PHACTR2: variants seen among roughly 807,000 people sequenced by gnomAD.
The protein encoded by PHACTR2 is chromosome 6 open reading frame 56.
PHACTR2 carries 30 observed loss-of-function variants against 76.0 expected under a neutral mutation model. The observed-to-expected ratio is 0.39, with a 90% CI of 0.30 to 0.54. PHACTR2 has a LOEUF of 0.54. PHACTR2 is among the 20% of genes least tolerant of loss of function. The pLI is 0.61. For synonymous variants in PHACTR2, 292 were observed against 292.5 expected, an observed-to-expected ratio of 1.00 and a Z score of 0.02; for missense variants, 696 against 781.1, an observed-to-expected ratio of 0.89 and a Z score of 1.30.
intron 2 of PHACTR2, among the ~76,000 whole-genome samples, chr6:143,724,319 A>G (rs565039139): frequency 6.9e-4 from 105 of 152,050 alleles, no homozygotes; most frequent in African/African-American, 2.5e-3. Flanking sequence ...TTTTTAGTAG[A>G]GACGGGGTTT....
rs553166466 is a variant in PHACTR2 at position 143,739,637 on chromosome 6, C to T, written c.215-9348C>T. 4.3e-4 allele frequency among the ~76,000 whole-genome samples: 66 copies of T among 152,186 alleles called. No homozygotes were observed. The highest frequency in any genetic ancestry group is 7.5e-4 in the Non-Finnish European group (51 of 68,028). ...AGTCCGAGTGAAGGGGAAGGACAGG[C>T]TGTGTTACACGTAGCACTCAAATCT... On this transcript the variant is annotated intron_variant, in intron 2 of 12. Transcript: ENST00000440869. The surrounding 1 kb of genome is among the most constrained non-coding windows in gnomAD (Gnocchi z 4.3).
At position 143,646,289 on chromosome 6, in the gene PHACTR2, T is replaced by C. The variant is rs1776658659; in HGVS notation, c.13+37967T>C. Among the ~76,000 whole-genome samples the C allele has an allele frequency of 6.6e-6, 1 of 152,162 alleles. No homozygotes were observed. The highest frequency in any genetic ancestry group is 2.1e-4 in the South Asian group (1 of 4,832). ...TCAGTAATTGGGATTATTTTTAAACTGAAAAACTCTATCCCACTTTAAAAC... is the reference window on the plus strand; with the variant it reads ...TCAGTAATTGGGATTATTTTTAAACCGAAAAACTCTATCCCACTTTAAAAC... On this transcript the variant is annotated intron_variant, in intron 1 of 11. Coordinates refer to the PHACTR2 transcript ENST00000305766. This position sits in a 1 kb window ranked among gnomAD's most constrained non-coding sequence, Gnocchi z 4.1.
At chr6:143,601,411 G>A (rs2128435865) in intron 1 of PHACTR2, among the ~76,000 whole-genome samples, 1 of 152,302 alleles carries the variant, frequency 6.6e-6, no homozygotes. Flanking sequence ...GGCCAATGTT[G>A]AGCCTCCTTC....
intron 1 of PHACTR2, among the ~76,000 whole-genome samples, chr6:143,643,126 A>G (rs1776596502): frequency 6.6e-6 from 1 of 152,238 alleles, no homozygotes; most frequent in South Asian, 2.1e-4. Context: ...TGAATTGAGT[A>G]CATCATTATT....
intron 1 of PHACTR2, among the ~76,000 whole-genome samples, chr6:143,693,637 C>T (rs558961152): frequency 6.6e-6 from 1 of 152,320 alleles, no homozygotes; most frequent in Non-Finnish European, 1.5e-5. Flanking sequence ...TCCCAAAGCA[C>T]ACTGCATCCA....
rs1232665572 is a variant in PHACTR2 at position 143,823,517 on chromosome 6, A to G, written c.1923-157A>G. ...TATGCTTTCCTTAATAATATTTGTAACAGTATTTTGTTATGACAGAAATTT... is the reference window on the plus strand; with the variant it reads ...TATGCTTTCCTTAATAATATTTGTAGCAGTATTTTGTTATGACAGAAATTT... On this transcript the variant is annotated intron_variant, in intron 12 of 12. Coordinates refer to ENST00000440869, the MANE Select transcript of PHACTR2 (RefSeq NM_001100164.2). The surrounding 1 kb of genome is among the most constrained non-coding windows in gnomAD (Gnocchi z 5.7). 1.3e-5 allele frequency among the ~76,000 whole-genome samples: 2 copies of G among 152,208 alleles called. No individual in the cohort carries two copies. The highest frequency in any genetic ancestry group is 3.8e-4 in the East Asian group (2 of 5,196).
Position 143,784,495 on chromosome 6 carries a change from A to G in PHACTR2, c.1707+1215A>G, listed in dbSNP as rs1775506844. 6.6e-6 allele frequency among the ~76,000 whole-genome samples: 1 copy of G among 152,174 alleles called. No homozygotes were observed. On this transcript the variant is annotated intron_variant, in intron 10 of 12. Transcript: ENST00000440869. The surrounding 1 kb of genome is among the most constrained non-coding windows in gnomAD (Gnocchi z 4.5). ...CTACATGAAGTGTGACCTGACCCAC[A>G]TTTTTGTGGGCTGGCCAGGGAGTCT...
chr6:143,732,165 C>A (rs1313912074), intron 2 of PHACTR2, among the ~76,000 whole-genome samples: 1 of 152,180 alleles, frequency 6.6e-6, no homozygotes, highest in South Asian at 2.1e-4. Context: ...CCAAACAGTT[C>A]ACCCATTTAA....
rs562899799 is a variant in PHACTR2, at chr6:143,690,771, C to T, written c.46+12562C>T. On this transcript the variant is annotated intron_variant, in intron 1 of 12. Transcript: ENST00000440869. Reference sequence around the variant, plus strand: ...AATGGTCTAAAAAATATTTTATGGACGTTTAAAAGTTTTGTGGTACATAGA... The same window carrying T: ...AATGGTCTAAAAAATATTTTATGGATGTTTAAAAGTTTTGTGGTACATAGA... 3.0e-4 allele frequency among the ~76,000 whole-genome samples: 45 copies of T among 152,204 alleles called. 1 individual carries two copies. The South Asian group carries it at 9.3e-3, about 32-fold the overall frequency.
rs1041143836 is a variant in PHACTR2, at chr6:143,724,346, A to G, written c.214+12163A>G. ...ACGGGGTTTCACTGTGTTAGCCAGG[A>G]TGGTCTCGATCTCCCGAACTCGTGA... On this transcript the variant is annotated intron_variant, in intron 2 of 12. Coordinates refer to ENST00000440869, the MANE Select transcript of PHACTR2 (RefSeq NM_001100164.2). 1.2e-4 allele frequency among the ~76,000 whole-genome samples: 18 copies of G among 152,068 alleles called. No individual in the cohort carries two copies. In the East Asian group the frequency reaches 2.5e-3, roughly 21 times the overall value.
Position 143,646,765 on chromosome 6 carries a change from G to A in PHACTR2, c.13+38443G>A, listed in dbSNP as rs1455391988. ...TTTCCCCCAAGCACTACTCTCTGAAGAGCCTGAAAAAGTATGTAAGAAAAG... is the reference window on the plus strand; with the variant it reads ...TTTCCCCCAAGCACTACTCTCTGAAAAGCCTGAAAAAGTATGTAAGAAAAG... On this transcript the variant is annotated intron_variant, in intron 1 of 11. Coordinates refer to the PHACTR2 transcript ENST00000305766. The surrounding 1 kb of genome is among the most constrained non-coding windows in gnomAD (Gnocchi z 4.1). 6.6e-6 allele frequency among the ~76,000 whole-genome samples: 1 copy of A among 152,180 alleles called. No individual in the cohort carries two copies. Among genetic ancestry groups the A allele is most frequent in the Non-Finnish European group, 1.5e-5 (1 of 68,026 alleles).
rs1779227758 is a variant in PHACTR2, at chr6:143,753,361, G to T, written c.296-393G>T. 6.6e-6 allele frequency among the ~76,000 whole-genome samples: 1 copy of T among 152,030 alleles called. No individual in the cohort carries two copies. Among genetic ancestry groups the T allele is most frequent in the African/African-American group, 2.4e-5 (1 of 41,386 alleles). ...TTATTTGTGTATTTGCATTCACCTT[G>T]TGTTTTTGGTGCTTGTAAAATGTTT... On this transcript the variant is annotated intron_variant, in intron 3 of 12. Transcript: ENST00000440869. The surrounding 1 kb of genome is among the most constrained non-coding windows in gnomAD (Gnocchi z 4.6).
chr6:143,584,198 A>G (rs560359164), intron 1 of PHACTR2, among the ~76,000 whole-genome samples: 1 of 152,338 alleles, frequency 6.6e-6, no homozygotes, highest in South Asian at 2.1e-4. Context: ...ACTCTTGACT[A>G]GAACCACTTC....
At chr6:143,612,658 A>G (rs879425731) in intron 1 of PHACTR2, among the ~76,000 whole-genome samples, 1 of 152,142 alleles carries the variant, frequency 6.6e-6, no homozygotes, top group African/African-American at 2.4e-5. Context: ...TTGCATGTGT[A>G]TTGTTAATAT....
chr6:143,774,283 T>A lies in PHACTR2; in HGVS notation c.1589+68T>A. The A allele has an allele frequency of 7.8e-7, 1 of 1,289,860 alleles. No individual in the cohort carries two copies. The highest frequency in any genetic ancestry group is 1.1e-6 in the Non-Finnish European group (1 of 904,128). 79.9% of individuals were successfully genotyped at this position (1,289,860 alleles called of 1,614,324 possible). Reference sequence around the variant, plus strand: ...TTTCTCCCTCCCAAAGCTTCCTACCTAACTGGGGTCATTGTGAATTCCTTA... The same window carrying A: ...TTTCTCCCTCCCAAAGCTTCCTACCAAACTGGGGTCATTGTGAATTCCTTA... On this transcript the variant is annotated intron_variant, in intron 8 of 12. Coordinates refer to ENST00000440869, the MANE Select transcript of PHACTR2 (RefSeq NM_001100164.2). The surrounding 1 kb of genome is among the most constrained non-coding windows in gnomAD (Gnocchi z 5.4).
intron 12 of PHACTR2, among the ~76,000 whole-genome samples, chr6:143,808,129 T>A (rs940192399): frequency 3.6e-5 from 2 of 55,616 alleles, no homozygotes; most frequent in Non-Finnish European, 3.9e-5. Context: ...AATCCAAAAT[T>A]TTTTTTTTTT....
rs139787441 is a variant in PHACTR2, at chr6:143,685,835, T to C, written c.46+7626T>C. On this transcript the variant is annotated intron_variant, in intron 1 of 12. Coordinates refer to ENST00000440869, the MANE Select transcript of PHACTR2 (RefSeq NM_001100164.2). ...CAGTTTGGCAATATATATTAAGTCA[T>C]AAAATGTGCACTTAGGCCGGGCGTG... is the stretch of plus-strand genomic sequence containing the variant. 7.9e-3 allele frequency among the ~76,000 whole-genome samples: 1,209 copies of C among 152,130 alleles called. 4 individuals are homozygous for C. The highest frequency in any genetic ancestry group is 0.012 in the Non-Finnish European group (794 of 67,994).
intron 12 of PHACTR2, among the ~76,000 whole-genome samples, chr6:143,813,049 A>G (rs543952865): frequency 6.6e-6 from 1 of 152,358 alleles, no homozygotes; most frequent in South Asian, 2.1e-4. Flanking sequence ...AGAAAGTGTT[A>G]ACATGTATCA....
chr6:143,727,627 A>AT (rs1379751518), intron 2 of PHACTR2, among the ~76,000 whole-genome samples: 5 of 120,892 alleles, frequency 4.1e-5, no homozygotes, highest in African/African-American at 1.7e-4. Context: ...AACATCTGTC[A>AT]TTTTTTGTCT....
Sources: gnomAD v4.1 joint callset for allele counts (sites outside exome capture counted in the v4.1 genomes callset) on GRCh38, gnomAD v4.1.1 for gene constraint, Gnocchi (gnomAD v3.1) non-coding constraint, MANE v1.5 for transcripts, NCBI Gene and HGNC (gene_info 2026-07-23, HGNC 2026-07-21) for gene names.